The following HCN1 variants were observed in gnomAD, a reference collection of about 807,000 sequenced individuals.
HCN1 encodes potassium/sodium hyperpolarization-activated cyclic nucleotide-gated channel 1.
Under a neutral mutation model 78.9 loss-of-function variants are expected in HCN1, and 13 were observed. The ratio of observed to expected loss-of-function variants is 0.16; its 90% CI spans 0.11 to 0.26. The LOEUF (loss-of-function observed/expected upper bound fraction) is 0.26, where lower values mean the gene tolerates loss of function less well. Among genes scored for constraint, HCN1 ranks in the 10% least tolerant of loss-of-function variants. The pLI, the probability that HCN1 is intolerant of heterozygous loss-of-function variation, is 1.00. For missense variants in HCN1, 810 were observed against 1,154.3 expected (o/e 0.70, Z 4.32); for synonymous variants, 552 against 455.5 (o/e 1.21, Z -2.70).
At chr5:45,670,918 A>C (rs1223498875) in intron 1 of HCN1, among the ~76,000 whole-genome samples, 2 of 151,710 alleles carry the variant, frequency 1.3e-5, no homozygotes, top group South Asian at 4.1e-4. Flanking sequence ...AATATTCATA[A>C]ATCTCGGTTA....
intron 2 of HCN1, among the ~76,000 whole-genome samples, chr5:45,581,000 G>A (rs758535606): frequency 3.3e-5 from 5 of 152,134 alleles, no homozygotes; most frequent in East Asian, 1.9e-4. Flanking sequence ...GTGAACATAC[G>A]TGTGCATGTG....
intron 2 of HCN1, among the ~76,000 whole-genome samples, chr5:45,505,936 C>A (rs1345680104): frequency 6.6e-6 from 1 of 151,960 alleles, no homozygotes; most frequent in Non-Finnish European, 1.5e-5. Context: ...ATGTTATTAT[C>A]CTGACATAAT....
At chr5:45,440,250 T>G (rs1412798694) in intron 3 of HCN1, among the ~76,000 whole-genome samples, 1 of 151,970 alleles carries the variant, frequency 6.6e-6, no homozygotes, top group Non-Finnish European at 1.5e-5. Flanking sequence ...AGTCCTTATA[T>G]AGGAACAAAT....
At chr5:45,432,085 T>C (rs1286194787) in intron 3 of HCN1, among the ~76,000 whole-genome samples, 1 of 152,154 alleles carries the variant, frequency 6.6e-6, no homozygotes, top group Non-Finnish European at 1.5e-5. Flanking sequence ...TGTTTTTCCA[T>C]TTGTCGCTGT....
In HCN1 at chr5:45,492,461, G is replaced by A. The variant is rs147357364; in HGVS notation, c.850-30454C>T. ...AAATCTTCTTTTCTTATCCATGCTC[G>A]TCAAAGTTCTTTGCTAAAACTGTGT... is the stretch of plus-strand genomic sequence containing the variant. On this transcript the variant is annotated intron_variant, in intron 2 of 7. Transcript: ENST00000303230. Among the ~76,000 whole-genome samples, 587 of 139,672 alleles carry A rather than the reference G, an allele frequency of 4.2e-3. 8 individuals are homozygous for A. The highest frequency in any genetic ancestry group is 0.014 in the African/African-American group (533 of 37,366). The allele number at this position is 139,672 out of a possible 152,430, so 91.6% of individuals were successfully genotyped here. A position where few individuals can be genotyped will look rare whatever the true frequency, so the allele number is the denominator to read the frequency against.
intron 2 of HCN1, among the ~76,000 whole-genome samples, chr5:45,524,537 C>A (rs1482857297): frequency 6.6e-6 from 1 of 152,114 alleles, no homozygotes; most frequent in Non-Finnish European, 1.5e-5. Context: ...TTTCATTGAG[C>A]AGTGGTTTGT....
intron 2 of HCN1, among the ~76,000 whole-genome samples, chr5:45,514,982 T>A (rs1483312): frequency 0.24 from 37,171 of 151,932 alleles, 4,663 homozygotes; most frequent in East Asian, 0.32. Context: ...GATGTTTTTA[T>A]TAATTTTTAT....
intron 2 of HCN1, among the ~76,000 whole-genome samples, chr5:45,584,883 T>G (rs1266063627): frequency 6.6e-6 from 1 of 152,234 alleles, no homozygotes; most frequent in Admixed American, 6.5e-5. Flanking sequence ...CTTATAGAGT[T>G]TCTGCCAAGA....
intron 3 of HCN1, among the ~76,000 whole-genome samples, chr5:45,449,970 C>T (rs1740884633): frequency 6.6e-6 from 1 of 152,090 alleles, no homozygotes; most frequent in African/African-American, 2.4e-5. Context: ...GTACGTGGGA[C>T]TGCAGGTGCC....
At chr5:45,501,698 C>A (rs1174414105) in intron 2 of HCN1, among the ~76,000 whole-genome samples, 1 of 152,114 alleles carries the variant, frequency 6.6e-6, no homozygotes, top group African/African-American at 2.4e-5. Flanking sequence ...CCTCGGCCTC[C>A]CAAAGTGCTA....
chr5:45,294,719 A>T (rs1221410729), intron 6 of HCN1, among the ~76,000 whole-genome samples: 3 of 152,068 alleles, frequency 2.0e-5, no homozygotes, highest in Non-Finnish European at 2.9e-5. Flanking sequence ...TTACCTTAAT[A>T]GCATGGTCAT....
intron 5 of HCN1, among the ~76,000 whole-genome samples, chr5:45,348,850 C>A (rs1286429129): frequency 6.6e-6 from 1 of 152,180 alleles, no homozygotes; most frequent in Non-Finnish European, 1.5e-5. Context: ...GCATCCAATA[C>A]AGGAGCACCC....
At chr5:45,397,904 A>G (rs1164303718) in intron 3 of HCN1, among the ~76,000 whole-genome samples, 3 of 151,650 alleles carry the variant, frequency 2.0e-5, no homozygotes, top group Non-Finnish European at 4.4e-5. Flanking sequence ...TTTATTTTCA[A>G]TGATTTAGTT....
At chr5:45,446,537 C>T (rs1385671357) in intron 3 of HCN1, among the ~76,000 whole-genome samples, 85 of 152,142 alleles carry the variant, frequency 5.6e-4, no homozygotes, top group African/African-American at 4.1e-4. Context: ...ATACAGAGAA[C>T]GCCACAAAGA....
chr5:45,381,271 G>A (rs1208697582), intron 4 of HCN1, among the ~76,000 whole-genome samples: 1 of 151,914 alleles, frequency 6.6e-6, no homozygotes, highest in Non-Finnish European at 1.5e-5. Context: ...CCTATCCTAC[G>A]ATATAAGATA....
chr5:45,277,124 C>T (rs1444674437), intron 6 of HCN1, among the ~76,000 whole-genome samples: 2 of 152,038 alleles, frequency 1.3e-5, no homozygotes, highest in East Asian at 1.9e-4. Flanking sequence ...AAGAAATTAA[C>T]TTACATGGAA....
chr5:45,518,698 G>A (rs973724372), intron 2 of HCN1, among the ~76,000 whole-genome samples: 1 of 151,970 alleles, frequency 6.6e-6, no homozygotes, highest in Admixed American at 6.6e-5. Flanking sequence ...TTCATCCTGG[G>A]GGTCATTTTT....
intron 4 of HCN1, among the ~76,000 whole-genome samples, chr5:45,386,660 A>C (rs1385355266): frequency 6.6e-6 from 1 of 152,192 alleles, no homozygotes; most frequent in African/African-American, 2.4e-5. Context: ...AAAATTGTTC[A>C]GTGCTCTAAT....
intron 2 of HCN1, among the ~76,000 whole-genome samples, chr5:45,492,580 C>A (rs1169310044): frequency 7.1e-6 from 1 of 141,500 alleles, no homozygotes; most frequent in African/African-American, 2.7e-5. Flanking sequence ...GCACTCACTG[C>A]AACCTCCACC....
Sources: allele counts gnomAD v4.1 joint callset (sites outside exome capture counted in the v4.1 genomes callset), GRCh38; gene constraint gnomAD v4.1.1; transcripts MANE v1.5; gene names NCBI Gene and HGNC (gene_info 2026-07-23, HGNC 2026-07-21).